Variants in SOX5 observed in about 807,000 individuals in gnomAD.
The protein encoded by SOX5 is transcription factor SOX-5.
SOX5 carries 9 observed loss-of-function variants against 92.0 expected under a neutral mutation model. That is an observed-to-expected ratio of 0.10 (90% CI 0.06 to 0.17). The LOEUF is 0.17. Ranked by LOEUF, SOX5 falls within the 10% of genes least tolerant of loss-of-function variation. SOX5 has a pLI of 1.00. For missense variants in SOX5, 642 were observed against 944.5 expected, an observed-to-expected ratio of 0.68 and a Z score of 4.20; for synonymous variants, 344 against 336.3, an observed-to-expected ratio of 1.02 and a Z score of -0.25.
chr12:24,149,795 GAACA>G (rs532560821), intron 4 of SOX5, among the ~76,000 whole-genome samples: 6 of 152,114 alleles, frequency 3.9e-5, no homozygotes, highest in East Asian at 3.9e-4. Flanking sequence ...TAAAACTGAT[GAACA>G]AACAAATACA....
intron 1 of SOX5, among the ~76,000 whole-genome samples, chr12:24,548,211 AT>A (rs1952831914): frequency 6.6e-6 from 1 of 152,260 alleles, no homozygotes; most frequent in Admixed American, 6.5e-5. Flanking sequence ...TACAGCATCG[AT>A]GTCCCTTGAC....
At chr12:24,312,394 G>A (rs572794994) in intron 2 of SOX5, among the ~76,000 whole-genome samples, 1 of 152,168 alleles carries the variant, frequency 6.6e-6, no homozygotes, top group Non-Finnish European at 1.5e-5. Flanking sequence ...TCCAATTGCA[G>A]TGAGGTCCTA....
chr12:24,194,953 G>T (rs1365060626), intron 4 of SOX5, among the ~76,000 whole-genome samples: 1 of 151,990 alleles, frequency 6.6e-6, no homozygotes, highest in Non-Finnish European at 1.5e-5. Context: ...AACTAGAAAA[G>T]AAGACTGAGA....
At chr12:24,406,247 C>A (rs1002484802) in intron 1 of SOX5, among the ~76,000 whole-genome samples, 2 of 152,150 alleles carry the variant, frequency 1.3e-5, no homozygotes. Flanking sequence ...CCAGAGGGAA[C>A]AGACTATCTG....
At position 23,533,435 on chromosome 12, in the gene SOX5, C is replaced by T. The variant is rs975160536; in HGVS notation, c.*784G>A. ...TGTCTAAGATTTAACACTGTCCTAA[C>T]TTAAGAAGGAAAAGGAAAAAGTAAA... is the stretch of plus-strand genomic sequence containing the variant. On this transcript the variant is annotated 3_prime_UTR_variant, in exon 15 of 15. Transcript: ENST00000451604. The T allele has an allele frequency of 6.5e-5, 13 of 200,682 alleles. No homozygotes were observed. The highest frequency in any genetic ancestry group is 2.8e-4 in the African/African-American group (12 of 42,786). 12.4% of individuals were successfully genotyped at this position (200,682 alleles called of 1,614,324 possible).
intron 4 of SOX5, among the ~76,000 whole-genome samples, chr12:24,129,088 C>T (rs1261928628): frequency 6.6e-6 from 1 of 152,152 alleles, no homozygotes; most frequent in Non-Finnish European, 1.5e-5. Flanking sequence ...CTTAACTTCA[C>T]ATTGTGATTA....
intron 11 of SOX5, among the ~76,000 whole-genome samples, chr12:23,558,632 C>T (rs1056070432): frequency 1.3e-5 from 2 of 152,050 alleles, no homozygotes; most frequent in African/African-American, 2.4e-5. Context: ...GACGGAGTTC[C>T]GCTTTTGTCG....
Position 23,887,967 on chromosome 12 carries a change from T to C in SOX5, c.270+7826A>G, listed in dbSNP as rs117697706. ...TGTGTGTGTATTTAATATCTAGATG[T>C]CAAGTAGTTATTTTCAGTGGAAACA... On this transcript the variant is annotated intron_variant, in intron 2 of 14. Transcript: ENST00000451604. 5.2e-3 allele frequency among the ~76,000 whole-genome samples: 777 copies of C among 150,380 alleles called. 4 individuals are homozygous for C. Among genetic ancestry groups the C allele is most frequent in the Non-Finnish European group, 8.4e-3 (565 of 67,238 alleles).
chr12:23,948,874 G>A (rs956911631), intron 1 of SOX5, among the ~76,000 whole-genome samples: 9 of 152,008 alleles, frequency 5.9e-5, no homozygotes, highest in African/African-American at 1.5e-4. Flanking sequence ...ATAGCAAAAG[G>A]GGAAAATACA....
intron 4 of SOX5, among the ~76,000 whole-genome samples, chr12:24,044,292 A>T (rs1178888996): frequency 6.6e-6 from 1 of 152,020 alleles, no homozygotes; most frequent in African/African-American, 2.4e-5. Context: ...GGTAAGTATA[A>T]CACTGTTGCA....
chr12:24,551,585 C>T (rs1040716625), intron 1 of SOX5, among the ~76,000 whole-genome samples: 2 of 151,916 alleles, frequency 1.3e-5, no homozygotes, highest in Non-Finnish European at 2.9e-5. Context: ...GAGAACAAAA[C>T]AGATCACACG....
intron 3 of SOX5, among the ~76,000 whole-genome samples, chr12:24,268,450 T>A (rs187554663): frequency 7.2e-5 from 11 of 152,236 alleles, no homozygotes; most frequent in Admixed American, 5.9e-4. Flanking sequence ...CTCAAGAGAT[T>A]TACGTGTACA....
At chr12:23,869,984 T>C (rs191530106) in intron 2 of SOX5, among the ~76,000 whole-genome samples, 3 of 152,156 alleles carry the variant, frequency 2.0e-5, no homozygotes, top group Admixed American at 2.0e-4. Context: ...ATTTTATACA[T>C]AGCAGATATT....
At chr12:24,183,235 C>T (rs1232171570) in intron 4 of SOX5, among the ~76,000 whole-genome samples, 1 of 152,182 alleles carries the variant, frequency 6.6e-6, no homozygotes, top group African/African-American at 2.4e-5. Flanking sequence ...CCATATACTA[C>T]TCCACTATTG....
chr12:23,777,800 A>C (rs1326283162), intron 3 of SOX5, among the ~76,000 whole-genome samples: 1 of 152,158 alleles, frequency 6.6e-6, no homozygotes, highest in African/African-American at 2.4e-5. Flanking sequence ...TAAGCAGGGG[A>C]AATAATTTTA....
chr12:24,091,447 T>C (rs1426049206), intron 4 of SOX5, among the ~76,000 whole-genome samples: 1 of 141,394 alleles, frequency 7.1e-6, no homozygotes, highest in African/African-American at 2.6e-5. Flanking sequence ...TTTTTTTTTT[T>C]GAGATGGAGT....
chr12:23,590,850 A>T (rs1043098537), intron 9 of SOX5, among the ~76,000 whole-genome samples: 2 of 152,032 alleles, frequency 1.3e-5, no homozygotes, highest in Non-Finnish European at 2.9e-5. Flanking sequence ...GCTTTGTTTC[A>T]AGCAAAATGT....
intron 3 of SOX5, among the ~76,000 whole-genome samples, chr12:24,244,351 C>T (rs1218204826): frequency 6.6e-6 from 1 of 152,144 alleles, no homozygotes; most frequent in Admixed American, 6.5e-5. Flanking sequence ...AGTTATGTAC[C>T]CTGGTGGCTT....
intron 3 of SOX5, among the ~76,000 whole-genome samples, chr12:23,816,463 G>C (rs1243527326): frequency 6.6e-6 from 1 of 152,074 alleles, no homozygotes; most frequent in East Asian, 1.9e-4. Context: ...GCCTGCCTCA[G>C]CTGGGATTAC....
Sources: allele counts gnomAD v4.1 joint callset (sites outside exome capture counted in the v4.1 genomes callset), GRCh38; gene constraint gnomAD v4.1.1; transcripts MANE v1.5; gene names NCBI Gene and HGNC (gene_info 2026-07-23, HGNC 2026-07-21).